The following BCKDHB variants were observed in gnomAD, a reference collection of about 807,000 sequenced individuals.
BCKDHB encodes the protein branched chain keto acid dehydrogenase E1 subunit beta.
A neutral mutation model predicts 48.5 loss-of-function variants in BCKDHB; 41 were observed. That is an observed-to-expected ratio of 0.85 (90% CI 0.66 to 1.10). The LOEUF is 1.10. Ranked by LOEUF, BCKDHB falls within the 50% of genes least tolerant of loss-of-function variation. The pLI, the probability that BCKDHB is intolerant of heterozygous loss-of-function variation, is 0.00. For synonymous variants in BCKDHB, 201 were observed against 174.8 expected (o/e 1.15, Z -1.18); for missense variants, 496 against 494.2 (o/e 1.00, Z -0.03).
intron 8 of BCKDHB, among the ~76,000 whole-genome samples, chr6:80,246,960 C>A (rs1190790571): frequency 6.6e-6 from 1 of 152,070 alleles, no homozygotes; most frequent in Non-Finnish European, 1.5e-5. Context: ...CACTTTGGTC[C>A]TTATTTCATC....
the BCKDHB span, among the ~76,000 whole-genome samples, chr6:80,441,807 G>A: frequency 6.6e-6 from 1 of 152,074 alleles, no homozygotes; most frequent in African/African-American, 2.4e-5. Context: ...GCTACTAAGT[G>A]CCAGGCACTG....
intron 9 of BCKDHB, among the ~76,000 whole-genome samples, chr6:80,299,441 C>T (rs1767435628): frequency 6.6e-6 from 1 of 152,054 alleles, no homozygotes; most frequent in Admixed American, 6.6e-5. Flanking sequence ...ATCTGGGTCA[C>T]CAGAAAGATG....
At chr6:80,142,798 A>G (rs1397102352) in intron 3 of BCKDHB, among the ~76,000 whole-genome samples, 1 of 152,136 alleles carries the variant, frequency 6.6e-6, no homozygotes, top group Non-Finnish European at 1.5e-5. Flanking sequence ...CAGTGAAGGA[A>G]TTAAAAATGG....
chr6:80,459,250 G>A, the BCKDHB span, among the ~76,000 whole-genome samples: 1 of 152,156 alleles, frequency 6.6e-6, no homozygotes, highest in Non-Finnish European at 1.5e-5. Flanking sequence ...TGACAAATGA[G>A]TAGATAAAGA....
chr6:80,456,624 C>G, the BCKDHB span, among the ~76,000 whole-genome samples: 1 of 152,204 alleles, frequency 6.6e-6, no homozygotes, highest in Admixed American at 6.5e-5. Context: ...AATATTTAGC[C>G]TGAAGGTCCT....
intron 9 of BCKDHB, among the ~76,000 whole-genome samples, chr6:80,273,912 T>C (rs1220782996): frequency 1.3e-5 from 2 of 152,040 alleles, no homozygotes; most frequent in East Asian, 3.9e-4. Context: ...GTTTCATTCT[T>C]CCTAATTTTT....
At chr6:80,117,556 G>A (rs1397014852) in intron 1 of BCKDHB, among the ~76,000 whole-genome samples, 1 of 152,220 alleles carries the variant, frequency 6.6e-6, no homozygotes, top group African/African-American at 2.4e-5. Flanking sequence ...TGTTCTTGAT[G>A]ACCATGACAC....
At chr6:80,415,663 T>C in the BCKDHB span, among the ~76,000 whole-genome samples, 4 of 152,178 alleles carry the variant, frequency 2.6e-5, no homozygotes, top group African/African-American at 9.6e-5. Context: ...TGTTGCTGGA[T>C]TCGCCAGGCC....
chr6:80,382,580 C>T, the BCKDHB span, among the ~76,000 whole-genome samples: 1 of 152,174 alleles, frequency 6.6e-6, no homozygotes, highest in Non-Finnish European at 1.5e-5. Flanking sequence ...CCCTAACCTG[C>T]ACCTCCTATA....
chr6:80,296,203 T>A (rs1222903454), intron 9 of BCKDHB, among the ~76,000 whole-genome samples: 1 of 152,198 alleles, frequency 6.6e-6, no homozygotes, highest in African/African-American at 2.4e-5. Context: ...AACCTGCATT[T>A]AAGTGCACCT....
the BCKDHB span, among the ~76,000 whole-genome samples, chr6:80,449,040 G>T: frequency 6.6e-6 from 1 of 152,116 alleles, no homozygotes; most frequent in Non-Finnish European, 1.5e-5. Context: ...GTATCAATTA[G>T]TACCTAATCC....
intron 8 of BCKDHB, among the ~76,000 whole-genome samples, chr6:80,205,839 TGG>T (rs1774629472): frequency 7.0e-6 from 1 of 142,382 alleles, no homozygotes; most frequent in Non-Finnish European, 1.5e-5. Flanking sequence ...TGTGTGTAGG[TGG>T]ATTGGCTTAA....
At chr6:80,247,449 C>T (rs1418723611) in intron 8 of BCKDHB, among the ~76,000 whole-genome samples, 1 of 152,208 alleles carries the variant, frequency 6.6e-6, no homozygotes, top group Admixed American at 6.6e-5. Context: ...CTGATTTCCA[C>T]ACATATTTAT....
chr6:80,224,832 T>TGCA (rs1775612227), intron 8 of BCKDHB, among the ~76,000 whole-genome samples: 1 of 152,244 alleles, frequency 6.6e-6, no homozygotes, highest in African/African-American at 2.4e-5. Context: ...TAGCCAAAAG[T>TGCA]GCACAGACTT....
the BCKDHB span, among the ~76,000 whole-genome samples, chr6:80,393,707 C>A: frequency 6.6e-6 from 1 of 152,202 alleles, no homozygotes; most frequent in Non-Finnish European, 1.5e-5. Context: ...CCTTATTGGA[C>A]CTGCAGCACA....
chr6:80,147,187 A>G (rs567829570), intron 3 of BCKDHB, among the ~76,000 whole-genome samples: 15 of 152,300 alleles, frequency 9.8e-5, no homozygotes, highest in African/African-American at 3.4e-4. Flanking sequence ...TTGCAGATAC[A>G]GAAACTAATG....
At chr6:80,422,428 A>C in the BCKDHB span, among the ~76,000 whole-genome samples, 1 of 152,210 alleles carries the variant, frequency 6.6e-6, no homozygotes, top group Non-Finnish European at 1.5e-5. Flanking sequence ...TGGTGCACCC[A>C]CACAGAGTCC....
chr6:80,125,189 G>A (rs1770279939), intron 1 of BCKDHB, among the ~76,000 whole-genome samples: 2 of 152,072 alleles, frequency 1.3e-5, no homozygotes, highest in African/African-American at 2.4e-5. Flanking sequence ...GTACTGAGAT[G>A]GCTTCTCTTC....
At chr6:80,318,695 A>C (rs939503387) in intron 9 of BCKDHB, among the ~76,000 whole-genome samples, 1 of 150,788 alleles carries the variant, frequency 6.6e-6, no homozygotes, top group South Asian at 2.1e-4. Flanking sequence ...TTAAAAAAAA[A>C]AAAAAAAAAG....
Sources: allele counts gnomAD v4.1 joint callset (sites outside exome capture counted in the v4.1 genomes callset), GRCh38; gene constraint gnomAD v4.1.1; transcripts MANE v1.5; gene names NCBI Gene and HGNC (gene_info 2026-07-23, HGNC 2026-07-21).